The following SNX25 variants were observed in gnomAD, a reference collection of about 807,000 sequenced individuals.
SNX25 encodes sorting nexin 25.
In SNX25, 62 loss-of-function variants were observed where a neutral mutation model predicts 113.7. The ratio of observed to expected loss-of-function variants is 0.55; its 90% CI spans 0.44 to 0.67. The LOEUF (loss-of-function observed/expected upper bound fraction) is 0.67, where lower values mean the gene tolerates loss of function less well. SNX25 is among the 30% of genes least tolerant of loss of function. SNX25 has a pLI of 0.00. For missense variants in SNX25, 1,014 were observed against 1,161.0 expected (o/e 0.87, Z 1.84); for synonymous variants, 421 against 436.2 (o/e 0.97, Z 0.43).
chr4:185,328,439 G>A (rs2126699434), intron 9 of SNX25, among the ~76,000 whole-genome samples: 1 of 152,236 alleles, frequency 6.6e-6, no homozygotes, highest in East Asian at 1.9e-4. Context: ...TGCACCAAGA[G>A]TGGCAAGACA....
chr4:185,299,425 G>C (rs1249977600), intron 6 of SNX25, among the ~76,000 whole-genome samples: 1 of 152,166 alleles, frequency 6.6e-6, no homozygotes, highest in East Asian at 1.9e-4. Flanking sequence ...TCACTGGAGA[G>C]CTTGTTAAAA....
At chr4:185,340,003 C>G (rs2095251845) in intron 11 of SNX25, among the ~76,000 whole-genome samples, 2 of 152,026 alleles carry the variant, frequency 1.3e-5, no homozygotes, top group South Asian at 4.2e-4. Flanking sequence ...TACTGTATCC[C>G]TTTTCATTTG....
Position 185,363,034 on chromosome 4 carries a change from G to A in SNX25, c.2934+323G>A, listed in dbSNP as rs1373000840. ...ACTTTTGTATTTTTAGTAGAGATGG[G>A]GTTTCGCCATGTTGGCTGGGATGGT... On this transcript the variant is annotated intron_variant, in intron 18 of 18. Transcript: ENST00000652585. The surrounding 1 kb of genome is among the most constrained non-coding windows in gnomAD (Gnocchi z 4.2). Among the ~76,000 whole-genome samples the A allele has an allele frequency of 6.6e-6, 1 of 151,866 alleles. No individual in the cohort carries two copies. The highest frequency in any genetic ancestry group is 1.5e-5 in the Non-Finnish European group (1 of 67,980).
chr4:185,332,914 A>G (rs936647137), intron 10 of SNX25, among the ~76,000 whole-genome samples, 155 bp downstream of exon 10: 1 of 152,234 alleles, frequency 6.6e-6, no homozygotes, highest in African/African-American at 2.4e-5. Flanking sequence ...AGAATTAGAA[A>G]AGCATTTGTT....
intron 5 of SNX25, among the ~76,000 whole-genome samples, chr4:185,273,272 A>C (rs879848537): frequency 1.3e-5 from 2 of 152,178 alleles, no homozygotes; most frequent in Non-Finnish European, 2.9e-5. Flanking sequence ...TAAGGTGTAC[A>C]GTGTCATTTA....
At chr4:185,308,979 G>A (rs557904325) in intron 6 of SNX25, among the ~76,000 whole-genome samples, 1 of 152,302 alleles carries the variant, frequency 6.6e-6, no homozygotes, top group South Asian at 2.1e-4. Flanking sequence ...TTTAACAACA[G>A]CCATTTATTT....
intron 6 of SNX25, among the ~76,000 whole-genome samples, chr4:185,307,847 T>C (rs778123156): frequency 2.0e-5 from 3 of 152,196 alleles, no homozygotes; most frequent in Non-Finnish European, 4.4e-5. Flanking sequence ...CTCAAATTCC[T>C]GGACTCAAGT....
At chr4:185,291,998 T>C (rs553351298) in intron 6 of SNX25, among the ~76,000 whole-genome samples, 8 of 152,316 alleles carry the variant, frequency 5.3e-5, no homozygotes, top group African/African-American at 1.9e-4. Context: ...GCTAGAAATA[T>C]CTCTTTTCAG....
chr4:185,223,651 G>A (rs1740371884), intron 1 of SNX25, among the ~76,000 whole-genome samples: 1 of 151,938 alleles, frequency 6.6e-6, no homozygotes, highest in African/African-American at 2.4e-5. Flanking sequence ...CGTGGTGGCG[G>A]GCACCTGTAG....
At chr4:185,373,136 G>C, downstream of SNX25, 1 of 1,458,296 alleles carries the variant, frequency 6.9e-7, no homozygotes, top group Non-Finnish European at 9.6e-7. Flanking sequence ...AAATTATAAG[G>C]GAATACTAGA....
chr4:185,321,148 C>T (rs2095116524), intron 8 of SNX25, among the ~76,000 whole-genome samples: 1 of 152,018 alleles, frequency 6.6e-6, no homozygotes, highest in African/African-American at 2.4e-5. Flanking sequence ...AAGACATATA[C>T]ATATCCACAT....
At chr4:185,216,541 T>A (rs1372571303) in intron 1 of SNX25, among the ~76,000 whole-genome samples, 1 of 124,236 alleles carries the variant, frequency 8.0e-6, no homozygotes, top group Non-Finnish European at 1.6e-5. Context: ...TTTTTTGAGA[T>A]GGAGTGTTGC....
chr4:185,294,680 G>A (rs1294495984), intron 6 of SNX25, among the ~76,000 whole-genome samples: 3 of 152,146 alleles, frequency 2.0e-5, no homozygotes, highest in African/African-American at 7.2e-5. Flanking sequence ...TGATGCTGCC[G>A]CATTATTAGA....
intron 9 of SNX25, among the ~76,000 whole-genome samples, chr4:185,331,296 A>G (rs1024100195): frequency 1.3e-5 from 2 of 152,212 alleles, no homozygotes; most frequent in African/African-American, 4.8e-5. Context: ...TGCGCCTCAT[A>G]AATTCTCAAT....
Position 185,339,427 on chromosome 4 carries a change from A to G in SNX25, c.1963A>G (p.Thr655Ala). The G allele has an allele frequency of 1.2e-6, 2 of 1,614,114 alleles. No individual in the cohort carries two copies. Among genetic ancestry groups the G allele is most frequent in the Non-Finnish European group, 1.7e-6 (2 of 1,179,974 alleles). The change falls in exon 11 of 19, where the codon ACA (threonine) becomes GCA (alanine). Residue 655 changes from threonine (T) to alanine (A), a missense_variant. Thr to Ala is a moderately conservative substitution (Grantham distance 58). Transcript: ENST00000652585. The part of the protein sequence containing the change: ...DEIILIEKER[T>A]DLQLHMARTD... ...AATAATCCTAATAGAGAAAGAACGC[A>G]CAGACCTTCAGCTGCACATGGCAAG...
intron 4 of SNX25, 65 bp downstream of exon 4, chr4:185,264,675 C>A: frequency 6.7e-7 from 1 of 1,490,508 alleles, no homozygotes; most frequent in East Asian, 2.3e-5. Flanking sequence ...ACATGCAGAC[C>A]TTGTTTACTG....
intron 6 of SNX25, chr4:185,295,852 G>C (rs1260845700): frequency 6.6e-6 from 1 of 152,190 alleles, no homozygotes. Flanking sequence ...AGCAGATTGG[G>C]AGAAATTACC....
chr4:185,362,190 A>G, intron 17 of SNX25, 85 bp downstream of exon 17: 1 of 1,445,604 alleles, frequency 6.9e-7, no homozygotes, highest in Non-Finnish European at 9.1e-7. Context: ...TATGTCTTGC[A>G]GGAAACATTC....
downstream of SNX25, chr4:185,373,066 T>C (rs370147340): frequency 2.8e-4 from 451 of 1,606,490 alleles, 3 homozygotes; most frequent in South Asian, 3.8e-3. Flanking sequence ...TGCTTCGGAA[T>C]GCCAGTAAAA....
Sources: allele counts gnomAD v4.1 joint callset (sites outside exome capture counted in the v4.1 genomes callset), GRCh38; gene constraint gnomAD v4.1.1; non-coding constraint Gnocchi (gnomAD v3.1); transcripts MANE v1.5; gene names NCBI Gene and HGNC (gene_info 2026-07-23, HGNC 2026-07-21).